TRIQK: variants seen among roughly 807,000 people sequenced by gnomAD.
TRIQK encodes triple QxxK/R motif-containing protein.
In TRIQK, 10 loss-of-function variants were observed where a neutral mutation model predicts 10.8. The observed-to-expected ratio is 0.92, with a 90% confidence interval of 0.57 to 1.57. The LOEUF (loss-of-function observed/expected upper bound fraction) is 1.57. Ranked by LOEUF, TRIQK falls within the 40% of genes most tolerant of loss-of-function variation. TRIQK has a pLI of 0.00. For missense variants in TRIQK, 107 were observed against 97.7 expected, an observed-to-expected ratio of 1.09 and a Z score of -0.40; for synonymous variants, 33 against 33.7, an observed-to-expected ratio of 0.98 and a Z score of 0.07.
At chr8:92,917,780 T>C (rs759113925) in intron 2 of TRIQK, among the ~76,000 whole-genome samples, 4 of 152,016 alleles carry the variant, frequency 2.6e-5, no homozygotes, top group Non-Finnish European at 5.9e-5. Context: ...TAATAAATTA[T>C]TGTTAATCAT....
At chr8:92,889,232 C>A (rs1816640074) in intron 4 of TRIQK, among the ~76,000 whole-genome samples, 1 of 151,592 alleles carries the variant, frequency 6.6e-6, no homozygotes, top group Non-Finnish European at 1.5e-5. Flanking sequence ...GGTTAAGCCC[C>A]TATTGTATAA....
intron 3 of TRIQK, among the ~76,000 whole-genome samples, chr8:92,910,585 TA>T (rs1247547879): frequency 6.6e-6 from 1 of 150,726 alleles, no homozygotes; most frequent in Non-Finnish European, 1.5e-5. Flanking sequence ...CCACCTATAT[TA>T]AAAAATCAAT....
chr8:92,921,838 C>G (rs922809341), intron 2 of TRIQK, among the ~76,000 whole-genome samples: 6 of 151,900 alleles, frequency 3.9e-5, no homozygotes, highest in Admixed American at 1.3e-4. Flanking sequence ...TTCTAAAACA[C>G]TAAATGCATT....
At chr8:93,006,957 G>A (rs551383001) in intron 1 of TRIQK, among the ~76,000 whole-genome samples, 68 of 152,336 alleles carry the variant, frequency 4.5e-4, no homozygotes, top group African/African-American at 1.5e-3. Flanking sequence ...CAGTTCCGAC[G>A]AGTGGGATTC....
rs955257431 is a variant in TRIQK, at chr8:92,897,819, G to C, written c.62-5745C>G. On this transcript the variant is annotated intron_variant, in intron 3 of 4. Transcript: ENST00000521988. ...TCTGTATATGTGCATGCAGGTATAT[G>C]TGTATGTTTTTGTGTTGGGGTACAT... 2.0e-5 allele frequency among the ~76,000 whole-genome samples: 3 copies of C among 152,188 alleles called. No homozygotes were observed. The South Asian group carries it at 6.2e-4, about 32-fold the overall frequency.
intron 1 of TRIQK, chr8:92,974,832 T>A (rs1352068493): frequency 6.6e-6 from 1 of 152,236 alleles, no homozygotes; most frequent in African/African-American, 2.4e-5. Context: ...ATGGAACCCA[T>A]GGGCACCTTA....
chr8:92,980,876 T>C (rs563239055), intron 1 of TRIQK, among the ~76,000 whole-genome samples: 1 of 151,636 alleles, frequency 6.6e-6, no homozygotes, highest in East Asian at 1.9e-4. Flanking sequence ...TAGAAATATT[T>C]TTGCCATTTC....
chr8:92,979,201 G>T (rs1409186756), intron 1 of TRIQK, among the ~76,000 whole-genome samples: 1 of 152,124 alleles, frequency 6.6e-6, no homozygotes, highest in East Asian at 1.9e-4. Context: ...AAGCTTAGCT[G>T]TGTTTAGGTG....
chr8:92,964,468 A>ATATATCTATATATATATATATAGATATC (rs1554607901), intron 1 of TRIQK, among the ~76,000 whole-genome samples: 70 of 147,900 alleles, frequency 4.7e-4, no homozygotes, highest in African/African-American at 1.7e-3. Context: ...ATATATCTAT[A>ATATATCTATATATATATATATAGATATC]TATATATATA....
chr8:92,967,013 T>TAAAAAAA (rs1812779846), upstream of TRIQK, among the ~76,000 whole-genome samples: 1 of 126,422 alleles, frequency 7.9e-6, no homozygotes, highest in Non-Finnish European at 1.6e-5. Flanking sequence ...CTGAGACAAG[T>TAAAAAAA]ATAAATAGAC....
At chr8:93,010,397 G>A (rs926624732) in intron 1 of TRIQK, among the ~76,000 whole-genome samples, 44 of 151,316 alleles carry the variant, frequency 2.9e-4, no homozygotes, top group African/African-American at 9.0e-4. Context: ...AATATTATGT[G>A]TCCATTAAAA....
At chr8:93,000,705 A>T (rs1351706699) in intron 1 of TRIQK, among the ~76,000 whole-genome samples, 1 of 152,206 alleles carries the variant, frequency 6.6e-6, no homozygotes. Flanking sequence ...AAAAGTCTAG[A>T]GTATTTATAT....
rs1287730269 is a variant in TRIQK, at chr8:92,891,865, T to C, written c.147+124A>G. 4 of 672,634 alleles carry C rather than the reference T, an allele frequency of 5.9e-6. No homozygotes were observed. The African/African-American group carries it at 7.5e-5, about 13-fold the overall frequency. The allele number at this position is 672,634 out of a possible 1,614,324, so 41.7% of individuals were successfully genotyped here. A position where few individuals can be genotyped will look rare whatever the true frequency, so the allele number is the denominator to read the frequency against. On this transcript the variant is annotated intron_variant, in intron 4 of 4. Coordinates refer to ENST00000521988, the MANE Select transcript of TRIQK (RefSeq NM_001171797.2). ...AATTCTTTACAAAAACCTTTAAGTCTGGCATTCTATTTAGATTGTGAAATG... is the reference window on the plus strand; with the variant it reads ...AATTCTTTACAAAAACCTTTAAGTCCGGCATTCTATTTAGATTGTGAAATG...
intron 3 of TRIQK, among the ~76,000 whole-genome samples, chr8:92,898,160 G>A (rs1328441126): frequency 6.6e-6 from 1 of 152,134 alleles, no homozygotes; most frequent in African/African-American, 2.4e-5. Context: ...AAATGCCACA[G>A]AGAAAGGGCT....
Position 92,955,766 on chromosome 8 carries a change from T to C in TRIQK, c.-180-1202A>G, listed in dbSNP as rs918633346. On this transcript the variant is annotated intron_variant, in intron 1 of 4. Coordinates refer to ENST00000521988, the MANE Select transcript of TRIQK (RefSeq NM_001171797.2). The stretch of plus-strand genomic sequence containing the variant: ...ATACAATTTTTAAATGGGCAAAGTA[T>C]TTGAACAATTTTCCAGAGAAGACAT... Among the ~76,000 whole-genome samples the C allele has an allele frequency of 5.9e-5, 9 of 151,760 alleles. 1 individual carries two copies. In the East Asian group the frequency reaches 1.7e-3, roughly 29 times the overall value.
chr8:92,941,920 C>A (rs184944890), intron 2 of TRIQK, among the ~76,000 whole-genome samples: 2 of 152,118 alleles, frequency 1.3e-5, no homozygotes, highest in Admixed American at 6.5e-5. Flanking sequence ...AACTAACCAG[C>A]TTAAATTAGT....
chr8:92,907,314 C>T (rs1209213867), intron 3 of TRIQK, among the ~76,000 whole-genome samples: 2 of 152,078 alleles, frequency 1.3e-5, no homozygotes, highest in Non-Finnish European at 2.9e-5. Flanking sequence ...TAAAAGATTA[C>T]CTTTGTGAAT....
intron 1 of TRIQK, among the ~76,000 whole-genome samples, chr8:92,995,776 T>A (rs1012381729): frequency 2.6e-5 from 4 of 152,114 alleles, no homozygotes; most frequent in African/African-American, 4.8e-5. Context: ...CGGTTATGTG[T>A]CACATCTTAC....
intron 1 of TRIQK, among the ~76,000 whole-genome samples, chr8:92,971,716 T>C (rs759796269): frequency 4.6e-5 from 7 of 152,194 alleles, no homozygotes; most frequent in Non-Finnish European, 8.8e-5. Context: ...AAAATGGCCA[T>C]ATTGCCCAAA....
Sources: gnomAD v4.1 joint callset for allele counts (sites outside exome capture counted in the v4.1 genomes callset) on GRCh38, gnomAD v4.1.1 for gene constraint, MANE v1.5 for transcripts, NCBI Gene and HGNC (gene_info 2026-07-23, HGNC 2026-07-21) for gene names.